Variants in TASP1 observed in about 807,000 individuals in gnomAD.
The protein encoded by TASP1 is taspase 1.
In TASP1, 16 loss-of-function variants were observed where a neutral mutation model predicts 56.6. That is an observed-to-expected ratio of 0.28 (90% CI 0.19 to 0.43). The LOEUF is 0.43. Among genes scored for constraint, TASP1 ranks in the 20% least tolerant of loss-of-function variants. The pLI is 1.00. For synonymous variants in TASP1, 179 were observed against 184.2 expected (o/e 0.97, Z 0.23); for missense variants, 393 against 511.6 (o/e 0.77, Z 2.24).
At chr20:13,449,377 C>T (rs539409451) in intron 11 of TASP1, among the ~76,000 whole-genome samples, 2 of 152,152 alleles carry the variant, frequency 1.3e-5, no homozygotes, top group Non-Finnish European at 1.5e-5. Flanking sequence ...TCCTTATATA[C>T]CCAATTTTAC....
chr20:13,271,570 A>G, the TASP1 span, among the ~76,000 whole-genome samples: 1 of 152,362 alleles, frequency 6.6e-6, no homozygotes, highest in Middle Eastern at 3.4e-3. Flanking sequence ...TGTTTGGTTT[A>G]CCCAAAGTCA....
chr20:13,377,555 C>G, the TASP1 span, among the ~76,000 whole-genome samples: 1 of 152,142 alleles, frequency 6.6e-6, no homozygotes, highest in Non-Finnish European at 1.5e-5. Flanking sequence ...GTGTCTCCAC[C>G]AGGTTTTGGT....
At chr20:13,138,455 T>G in the TASP1 span, among the ~76,000 whole-genome samples, 1 of 152,164 alleles carries the variant, frequency 6.6e-6, no homozygotes, top group African/African-American at 2.4e-5. Context: ...CCTTGCGGTT[T>G]TTACTTCTAT....
chr20:13,520,316 T>A (rs184542899), intron 10 of TASP1, among the ~76,000 whole-genome samples: 2 of 152,210 alleles, frequency 1.3e-5, no homozygotes, highest in African/African-American at 4.8e-5. Context: ...CATTGCCAAG[T>A]CAATCCTAAG....
chr20:13,183,991 T>C, the TASP1 span, among the ~76,000 whole-genome samples: 2 of 145,226 alleles, frequency 1.4e-5, no homozygotes, highest in Non-Finnish European at 3.0e-5. Context: ...ATCACGCCAC[T>C]GCACTCCAGC....
chr20:13,427,400 C>G (rs1272456753), intron 12 of TASP1, among the ~76,000 whole-genome samples: 6 of 152,144 alleles, frequency 3.9e-5, no homozygotes, highest in Admixed American at 1.3e-4. Context: ...TAATTGGCCA[C>G]AGTAAAACAG....
chr20:13,438,227 A>T (rs1171001218), intron 11 of TASP1, among the ~76,000 whole-genome samples: 3 of 152,216 alleles, frequency 2.0e-5, no homozygotes, highest in African/African-American at 7.2e-5. Context: ...ACAAAGCTGG[A>T]GGCATCACGC....
intron 13 of TASP1, among the ~76,000 whole-genome samples, chr20:13,390,833 T>C (rs756537729): frequency 5.3e-5 from 8 of 152,228 alleles, no homozygotes; most frequent in African/African-American, 9.7e-5. Context: ...ATATGTTTTG[T>C]CTTCTAAACA....
the TASP1 span, among the ~76,000 whole-genome samples, chr20:13,269,352 C>T: frequency 6.6e-6 from 1 of 152,132 alleles, no homozygotes; most frequent in Admixed American, 6.5e-5. Flanking sequence ...AGAAATTTCC[C>T]CATAGTGATA....
At chr20:13,380,018 T>A in the TASP1 span, among the ~76,000 whole-genome samples, 1 of 152,206 alleles carries the variant, frequency 6.6e-6, no homozygotes, top group South Asian at 2.1e-4. Context: ...GGTTAGAACA[T>A]GCTCCTTTAG....
At chr20:13,566,590 C>T (rs2046537498) in intron 7 of TASP1, among the ~76,000 whole-genome samples, 2 of 150,472 alleles carry the variant, frequency 1.3e-5, no homozygotes, top group Admixed American at 1.3e-4. Context: ...AGGTTACAGT[C>T]TGTATGATAC....
chr20:13,194,899 G>C, the TASP1 span, among the ~76,000 whole-genome samples: 1 of 152,082 alleles, frequency 6.6e-6, no homozygotes, highest in African/African-American at 2.4e-5. Flanking sequence ...CCTGTAACCA[G>C]TGATGGGATG....
chr20:13,159,362 C>A, the TASP1 span, among the ~76,000 whole-genome samples: 1 of 152,098 alleles, frequency 6.6e-6, no homozygotes, highest in East Asian at 1.9e-4. Flanking sequence ...CCTGTGCATC[C>A]CTGGGCATGT....
chr20:13,476,836 T>A (rs2042965560), intron 11 of TASP1, among the ~76,000 whole-genome samples: 1 of 152,116 alleles, frequency 6.6e-6, no homozygotes, highest in South Asian at 2.1e-4. Flanking sequence ...ACAGCATTTA[T>A]AACAGTGAAG....
At chr20:13,135,006 C>G in the TASP1 span, among the ~76,000 whole-genome samples, 1 of 152,142 alleles carries the variant, frequency 6.6e-6, no homozygotes, top group Admixed American at 6.5e-5. Flanking sequence ...ACAGTCACTC[C>G]CTAAGCCTGT....
intron 1 of TASP1, among the ~76,000 whole-genome samples, chr20:13,634,364 A>G (rs2049209249): frequency 6.6e-6 from 1 of 152,226 alleles, no homozygotes; most frequent in Non-Finnish European, 1.5e-5. Context: ...GTGATTGCTT[A>G]GAGCTGGAGG....
chr20:13,613,042 A>C (rs2048401922), intron 4 of TASP1, among the ~76,000 whole-genome samples: 1 of 152,210 alleles, frequency 6.6e-6, no homozygotes, highest in South Asian at 2.1e-4. Flanking sequence ...AATGAAAAGA[A>C]GGTAAAACTA....
chr20:13,105,778 A>G, the TASP1 span, among the ~76,000 whole-genome samples: 16 of 152,334 alleles, frequency 1.1e-4, no homozygotes, highest in East Asian at 2.7e-3. Context: ...AACATTCTTA[A>G]CAGGAATGCT....
chr20:13,515,493 A>C (rs962793093), intron 10 of TASP1, among the ~76,000 whole-genome samples: 1 of 149,722 alleles, frequency 6.7e-6, no homozygotes, highest in Admixed American at 6.8e-5. Context: ...CTCATCCCAG[A>C]CCCACTGGAT....
Sources: gnomAD v4.1 joint callset for allele counts (sites outside exome capture counted in the v4.1 genomes callset) on GRCh38, gnomAD v4.1.1 for gene constraint, MANE v1.5 for transcripts, NCBI Gene and HGNC (gene_info 2026-07-23, HGNC 2026-07-21) for gene names.